The following RNF216 variants were observed in gnomAD, a reference collection of about 807,000 sequenced individuals.
The protein encoded by RNF216 is ring finger protein 216.
RNF216 carries 72 observed loss-of-function variants against 110.8 expected under a neutral mutation model. The ratio of observed to expected loss-of-function variants is 0.65; its 90% CI spans 0.54 to 0.79. The LOEUF is 0.79. Among genes scored for constraint, RNF216 ranks in the 30% least tolerant of loss-of-function variants. The probability of loss-of-function intolerance (pLI) is 0.00; values close to 1 mark genes in which losing one functional copy is unlikely to be tolerated. For missense variants in RNF216, 1,342 were observed against 1,141.2 expected, an observed-to-expected ratio of 1.18 and a Z score of -2.54; for synonymous variants, 495 against 407.5, an observed-to-expected ratio of 1.21 and a Z score of -2.59.
intron 1 of RNF216, chr7:5,766,940 C>G (rs1035567172): frequency 6.6e-6 from 1 of 152,178 alleles, no homozygotes; most frequent in Non-Finnish European, 1.5e-5. Flanking sequence ...GTTCCAGAGG[C>G]TAAAAGAGAG....
At chr7:5,662,989 A>G (rs1327957753) in intron 13 of RNF216, among the ~76,000 whole-genome samples, 2 of 152,124 alleles carry the variant, frequency 1.3e-5, no homozygotes, top group African/African-American at 2.4e-5. Flanking sequence ...TATGCCCTCA[A>G]TGGCACAACA....
intron 1 of RNF216, among the ~76,000 whole-genome samples, chr7:5,772,269 A>C (rs1217725970): frequency 7.9e-5 from 12 of 152,170 alleles, no homozygotes; most frequent in Admixed American, 5.2e-4. Flanking sequence ...AACCACAAGG[A>C]AATTCTGGGA....
At chr7:5,748,661 A>C (rs1795173203) in intron 3 of RNF216, among the ~76,000 whole-genome samples, 1 of 150,460 alleles carries the variant, frequency 6.6e-6, no homozygotes, top group African/African-American at 2.5e-5. Context: ...CACACACATA[A>C]TATACTAACT....
chr7:5,736,998 CG>C (rs1794458001), intron 5 of RNF216, among the ~76,000 whole-genome samples: 1 of 151,896 alleles, frequency 6.6e-6, no homozygotes, highest in African/African-American at 2.4e-5. Flanking sequence ...CCCCTCTGCC[CG>C]GCCGCCACCC....
chr7:5,770,613 AATAGAT>A (rs1035623154), intron 1 of RNF216, among the ~76,000 whole-genome samples: 1 of 152,140 alleles, frequency 6.6e-6, no homozygotes, highest in Non-Finnish European at 1.5e-5. Context: ...AGGTTTTAAG[AATAGAT>A]ATATACTAGA....
At chr7:5,627,115 T>A (rs906372072) in intron 15 of RNF216, among the ~76,000 whole-genome samples, 11 of 152,144 alleles carry the variant, frequency 7.2e-5, no homozygotes, top group Non-Finnish European at 1.5e-4. Context: ...AGGGGGTACC[T>A]CAGGAATCAT....
chr7:5,731,364 T>TC (rs1562440003), intron 5 of RNF216, among the ~76,000 whole-genome samples: 1 of 151,926 alleles, frequency 6.6e-6, no homozygotes, highest in African/African-American at 2.4e-5. Flanking sequence ...CGTGGTTTAT[T>TC]TAGCTAGCTG....
intron 13 of RNF216, among the ~76,000 whole-genome samples, chr7:5,689,375 A>G (rs1354485753): frequency 1.3e-5 from 2 of 151,942 alleles, no homozygotes; most frequent in Non-Finnish European, 2.9e-5. Context: ...AAAAAAAAAA[A>G]AAAAGAAAGA....
intron 15 of RNF216, among the ~76,000 whole-genome samples, chr7:5,634,878 G>A (rs989064783): frequency 1.3e-5 from 2 of 152,190 alleles, no homozygotes; most frequent in African/African-American, 4.8e-5. Flanking sequence ...CTGGGACACT[G>A]CTGGGGTAGC....
intron 14 of RNF216, among the ~76,000 whole-genome samples, chr7:5,649,006 G>GA (rs944407707): frequency 9.9e-5 from 15 of 152,068 alleles, no homozygotes; most frequent in African/African-American, 3.4e-4. Context: ...TGCTATATAA[G>GA]AAAAAAAGGT....
intron 13 of RNF216, among the ~76,000 whole-genome samples, chr7:5,691,034 C>T (rs1255805077): frequency 1.3e-5 from 2 of 152,144 alleles, no homozygotes; most frequent in Admixed American, 6.5e-5. Flanking sequence ...TTCTGCCTGT[C>T]GTCTCTTCCC....
At chr7:5,753,785 A>G (rs1267435388) in intron 2 of RNF216, among the ~76,000 whole-genome samples, 1 of 152,152 alleles carries the variant, frequency 6.6e-6, no homozygotes, top group South Asian at 2.1e-4. Flanking sequence ...TCATGAGGTC[A>G]GGAGTTTGAG....
In RNF216 at chr7:5,712,760, T is replaced by C; in HGVS notation, c.1937A>G (p.Lys646Arg). The C allele has an allele frequency of 6.2e-7, 1 of 1,614,104 alleles. No homozygotes were observed. Among genetic ancestry groups the C allele is most frequent in the Non-Finnish European group, 8.5e-7 (1 of 1,180,040 alleles). Residue 646 changes from lysine to arginine, a missense_variant, in exon 12 of 17, where the codon AAA becomes AGA. Coordinates refer to ENST00000389902, the MANE Select transcript of RNF216 (RefSeq NM_207111.4). ...QTILYKYYER[K>R]AEEEVAAAYA... ...GGCTGCCGCAACCTCCTCCTCGGCTTTTCGCTCATAGTACTTATACAGGAT... is the reference window on the plus strand; with the variant it reads ...GGCTGCCGCAACCTCCTCCTCGGCTCTTCGCTCATAGTACTTATACAGGAT...
intron 15 of RNF216, among the ~76,000 whole-genome samples, chr7:5,637,440 C>A (rs1023381667): frequency 6.6e-6 from 1 of 152,222 alleles, no homozygotes. Context: ...GCTTCCCACC[C>A]AGTTAGGAGC....
At chr7:5,626,017 C>G (rs912447447) in intron 15 of RNF216, among the ~76,000 whole-genome samples, 1 of 152,222 alleles carries the variant, frequency 6.6e-6, no homozygotes, top group Non-Finnish European at 1.5e-5. Flanking sequence ...GCCACGTGTT[C>G]TGAGCAAGGC....
chr7:5,679,980 TG>T (rs1790546328), intron 13 of RNF216, among the ~76,000 whole-genome samples: 1 of 152,212 alleles, frequency 6.6e-6, no homozygotes, highest in South Asian at 2.1e-4. Context: ...GGGAGTCTCT[TG>T]CTGGGATCAT....
At chr7:5,765,846 C>T (rs1397862258) in intron 1 of RNF216, among the ~76,000 whole-genome samples, 1 of 149,416 alleles carries the variant, frequency 6.7e-6, no homozygotes, top group East Asian at 2.0e-4. Context: ...ATCCCAGCTA[C>T]TCAGGAGGCT....
chr7:5,683,232 T>C (rs1489756121), intron 13 of RNF216, among the ~76,000 whole-genome samples: 1 of 152,092 alleles, frequency 6.6e-6, no homozygotes, highest in African/African-American at 2.4e-5. Context: ...ATGTAGCCCT[T>C]AGCAGCTCCT....
intron 3 of RNF216, among the ~76,000 whole-genome samples, chr7:5,751,592 G>A (rs1232767526): frequency 5.9e-5 from 9 of 152,040 alleles, no homozygotes; most frequent in Non-Finnish European, 1.2e-4. Flanking sequence ...CACAGGAAAG[G>A]TGGCCTGAAG....
Sources: allele counts gnomAD v4.1 joint callset (sites outside exome capture counted in the v4.1 genomes callset), GRCh38; gene constraint gnomAD v4.1.1; transcripts MANE v1.5; gene names NCBI Gene and HGNC (gene_info 2026-07-23, HGNC 2026-07-21).